SMYD3: variants seen among roughly 807,000 people sequenced by gnomAD.
SMYD3 encodes the protein histone-lysine N-methyltransferase SMYD3.
In SMYD3, 36 loss-of-function variants were observed where a neutral mutation model predicts 57.7. That is an observed-to-expected ratio of 0.62 (90% CI 0.48 to 0.82). The LOEUF is 0.82. SMYD3 is among the 40% of genes least tolerant of loss of function. The pLI, the probability that SMYD3 is intolerant of heterozygous loss-of-function variation, is 0.00. For missense variants in SMYD3, 515 were observed against 538.8 expected (o/e 0.96, Z 0.44); for synonymous variants, 211 against 195.0 (o/e 1.08, Z -0.68).
At chr1:246,414,499 G>C (rs933288472) in intron 1 of SMYD3, among the ~76,000 whole-genome samples, 2 of 152,160 alleles carry the variant, frequency 1.3e-5, no homozygotes, top group Middle Eastern at 3.4e-3. Flanking sequence ...GAAGAAACAA[G>C]AGATTTAGAA....
At chr1:246,317,051 G>T (rs1334822412) in intron 5 of SMYD3, among the ~76,000 whole-genome samples, 1 of 151,620 alleles carries the variant, frequency 6.6e-6, no homozygotes, top group Non-Finnish European at 1.5e-5. Context: ...AGCTAAGAAT[G>T]ACAGTTTAAA....
chr1:246,066,840 A>G (rs926168632), intron 5 of SMYD3, among the ~76,000 whole-genome samples: 4 of 152,210 alleles, frequency 2.6e-5, no homozygotes, highest in African/African-American at 9.7e-5. Context: ...ATCTTTTCAT[A>G]TAATTGCATG....
chr1:245,833,073 A>AACAAAAAAAAAAAAAAAAACACAAC (rs36111391), intron 10 of SMYD3, among the ~76,000 whole-genome samples: 2 of 128,652 alleles, frequency 1.6e-5, no homozygotes, highest in Non-Finnish European at 3.2e-5. Flanking sequence ...AAAAAAAAAA[A>AACAAAAAAAAAAAAAAAAACACAAC]AACCTGCTTT....
intron 5 of SMYD3, among the ~76,000 whole-genome samples, chr1:246,088,503 G>A (rs1318063235): frequency 3.0e-5 from 4 of 131,182 alleles, no homozygotes; most frequent in South Asian, 2.6e-4. Flanking sequence ...CCAGCTACTC[G>A]GGAGGCTGAG....
At chr1:245,929,829 G>A in intron 6 of SMYD3, 41 bp downstream of exon 6, 1 of 1,515,726 alleles carries the variant, frequency 6.6e-7, no homozygotes, top group Non-Finnish European at 9.2e-7. Context: ...GGGTGGGAAT[G>A]AAAGTGTGTC....
intron 5 of SMYD3, among the ~76,000 whole-genome samples, chr1:246,266,037 C>T (rs945626668): frequency 2.0e-5 from 3 of 152,170 alleles, no homozygotes; most frequent in African/African-American, 7.2e-5. Flanking sequence ...ATTTTGAGCT[C>T]GCAATCATTT....
intron 5 of SMYD3, among the ~76,000 whole-genome samples, chr1:245,954,501 C>T (rs1429880734): frequency 6.6e-6 from 1 of 152,150 alleles, no homozygotes; most frequent in East Asian, 1.9e-4. Context: ...TGGTGAAACC[C>T]TGTCTCTACA....
intron 5 of SMYD3, among the ~76,000 whole-genome samples, chr1:245,945,794 C>G (rs1050023337): frequency 6.6e-5 from 10 of 152,104 alleles, no homozygotes; most frequent in Admixed American, 5.2e-4. Context: ...AAAAGGAACA[C>G]GATCATGTTC....
At chr1:245,960,757 TA>T (rs1283589091) in intron 5 of SMYD3, among the ~76,000 whole-genome samples, 1 of 135,364 alleles carries the variant, frequency 7.4e-6, no homozygotes, top group East Asian at 2.4e-4. Context: ...ATAAATGGCA[TA>T]AATTAGCCTT....
intron 1 of SMYD3, among the ~76,000 whole-genome samples, chr1:246,437,963 C>T (rs755784369): frequency 4.5e-4 from 69 of 152,238 alleles, no homozygotes; most frequent in Admixed American, 3.8e-3. Flanking sequence ...ATACCAATTA[C>T]GTATTCATAG....
chr1:246,146,861 A>C (rs1209238464), intron 5 of SMYD3, among the ~76,000 whole-genome samples: 1 of 152,132 alleles, frequency 6.6e-6, no homozygotes, highest in Non-Finnish European at 1.5e-5. Context: ...GAACTCTCCA[A>C]ACTGTTCCTC....
intron 10 of SMYD3, among the ~76,000 whole-genome samples, chr1:245,804,552 C>T (rs962021387): frequency 1.2e-4 from 18 of 152,064 alleles, no homozygotes; most frequent in Admixed American, 8.5e-4. Context: ...AGCGAGACTC[C>T]GTCTCAAAAC....
At chr1:246,353,576 T>G (rs1007774747) in intron 2 of SMYD3, among the ~76,000 whole-genome samples, 1 of 152,062 alleles carries the variant, frequency 6.6e-6, no homozygotes, top group Non-Finnish European at 1.5e-5. Context: ...CAATATATAA[T>G]GGAAAACTAG....
At chr1:245,847,624 A>G (rs958560016) in intron 10 of SMYD3, among the ~76,000 whole-genome samples, 6 of 152,228 alleles carry the variant, frequency 3.9e-5, no homozygotes, top group African/African-American at 1.4e-4. Flanking sequence ...GAGAAAAAGA[A>G]AAGAGAGCAG....
chr1:245,873,503 A>G (rs934019422), intron 8 of SMYD3, among the ~76,000 whole-genome samples: 3 of 152,212 alleles, frequency 2.0e-5, no homozygotes, highest in African/African-American at 7.2e-5. Context: ...AGCCATTAAG[A>G]TAAAGTACAC....
In SMYD3 at chr1:245,751,522, G is replaced by GAGAGAGAGAA. The variant is rs1553312426; in HGVS notation, c.1186-1868_1186-1859dup. On this transcript the variant is annotated intron_variant, in intron 11 of 11. Transcript: ENST00000490107. ...AGAGGGGGTCTAGATTTGCTGCTGA[G>GAGAGAGAGAA]AGAGAGAGAAAGAGAGAGAAAGAGA... is the stretch of plus-strand genomic sequence containing the variant. Among the ~76,000 whole-genome samples, 5 of 146,962 alleles carry GAGAGAGAGAA rather than the reference G, an allele frequency of 3.4e-5. No homozygotes were observed. In the South Asian group the frequency reaches 8.5e-4, roughly 25 times the overall value.
chr1:245,829,159 A>C (rs1259297243), intron 10 of SMYD3, among the ~76,000 whole-genome samples: 1 of 149,042 alleles, frequency 6.7e-6, no homozygotes, highest in East Asian at 2.0e-4. Flanking sequence ...TTAATGTGAG[A>C]TAGTATGAAA....
chr1:246,487,448 A>G lies in SMYD3; in HGVS notation c.164+19606T>C, dbSNP rs575711763. Among the ~76,000 whole-genome samples, 13 of 152,182 alleles carry G rather than the reference A, an allele frequency of 8.5e-5. No individual in the cohort carries two copies. In the East Asian group the frequency reaches 2.1e-3, roughly 25 times the overall value. ...GCACTCCAGCCTGGGCAACAGAGCAAGACTCTGTCTGGAAAAAAAAAAAGT... is the reference window on the plus strand; with the variant it reads ...GCACTCCAGCCTGGGCAACAGAGCAGGACTCTGTCTGGAAAAAAAAAAAGT... On this transcript the variant is annotated intron_variant, in intron 1 of 11. Transcript: ENST00000490107.
intron 10 of SMYD3, among the ~76,000 whole-genome samples, chr1:245,767,275 G>A (rs910035534): frequency 6.6e-6 from 1 of 152,156 alleles, no homozygotes; most frequent in Non-Finnish European, 1.5e-5. Flanking sequence ...GGACCGTGAG[G>A]ACTAAAGCAG....
Sources: allele counts gnomAD v4.1 joint callset (sites outside exome capture counted in the v4.1 genomes callset), GRCh38; gene constraint gnomAD v4.1.1; transcripts MANE v1.5; gene names NCBI Gene and HGNC (gene_info 2026-07-23, HGNC 2026-07-21).